The following KCNMA1 variants were observed in gnomAD, a reference collection of about 807,000 sequenced individuals.
The protein encoded by KCNMA1 is potassium calcium-activated channel subfamily M alpha 1.
In KCNMA1, 29 loss-of-function variants were observed where a neutral mutation model predicts 140.0. That is an observed-to-expected ratio of 0.21 (90% CI 0.15 to 0.28). The LOEUF (loss-of-function observed/expected upper bound fraction) is 0.28, where lower values mean the gene tolerates loss of function less well. Ranked by LOEUF, KCNMA1 falls within the 10% of genes least tolerant of loss-of-function variation. KCNMA1 has a pLI of 1.00. For missense variants in KCNMA1, 880 were observed against 1,602.2 expected (o/e 0.55, Z 7.70); for synonymous variants, 612 against 611.9 (o/e 1.00, Z 0.00).
intron 1 of KCNMA1, among the ~76,000 whole-genome samples, chr10:77,551,967 A>G (rs2062967235): frequency 6.6e-6 from 1 of 152,070 alleles, no homozygotes; most frequent in African/African-American, 2.4e-5. Flanking sequence ...ATGAGGTCAA[A>G]TGTCAGTGAC....
chr10:76,893,848 T>A (rs1167805407), intron 25 of KCNMA1, among the ~76,000 whole-genome samples: 2 of 152,150 alleles, frequency 1.3e-5, no homozygotes, highest in Non-Finnish European at 2.9e-5. Context: ...AAGACCTAAA[T>A]AAATGGACAG....
At chr10:77,422,731 G>T (rs146204176) in intron 1 of KCNMA1, among the ~76,000 whole-genome samples, 1 of 152,340 alleles carries the variant, frequency 6.6e-6, no homozygotes, top group Non-Finnish European at 1.5e-5. Flanking sequence ...GAGGAGGAAA[G>T]AGACACACAT....
chr10:77,072,943 G>A (rs2096266047), intron 14 of KCNMA1, among the ~76,000 whole-genome samples, 154 bp downstream of exon 14: 1 of 152,218 alleles, frequency 6.6e-6, no homozygotes, highest in South Asian at 2.1e-4. Flanking sequence ...TTTGAAAGAA[G>A]TTGGCTTCAT....
intron 1 of KCNMA1, among the ~76,000 whole-genome samples, chr10:77,432,668 TC>T (rs2097177186): frequency 6.6e-6 from 1 of 152,106 alleles, no homozygotes; most frequent in South Asian, 2.1e-4. Flanking sequence ...ATCTCAAAGG[TC>T]CCCATTTTCA....
intron 13 of KCNMA1, among the ~76,000 whole-genome samples, chr10:77,074,749 G>A (rs2096333871): frequency 6.6e-6 from 1 of 152,206 alleles, no homozygotes; most frequent in Non-Finnish European, 1.5e-5. Context: ...GACTCAGTAA[G>A]TATTTCTCCA....
intron 2 of KCNMA1, among the ~76,000 whole-genome samples, chr10:77,332,894 C>G (rs2087045251): frequency 6.6e-6 from 1 of 152,220 alleles, no homozygotes; most frequent in Non-Finnish European, 1.5e-5. Flanking sequence ...CACACACATA[C>G]ATGCACCTGT....
At chr10:76,905,969 G>T (rs76475746) in intron 25 of KCNMA1, among the ~76,000 whole-genome samples, 1 of 152,166 alleles carries the variant, frequency 6.6e-6, no homozygotes, top group Non-Finnish European at 1.5e-5. Flanking sequence ...GCTAAGCACC[G>T]CTCTAATCGC....
At chr10:76,900,753 AG>A (rs1328046887) in intron 25 of KCNMA1, among the ~76,000 whole-genome samples, 3 of 152,216 alleles carry the variant, frequency 2.0e-5, no homozygotes, top group Non-Finnish European at 2.9e-5. Context: ...ACACAATTAA[AG>A]GGCCTCCTAG....
chr10:77,478,313 T>G (rs570368929), intron 1 of KCNMA1, among the ~76,000 whole-genome samples: 10 of 152,302 alleles, frequency 6.6e-5, no homozygotes, highest in African/African-American at 2.4e-4. Flanking sequence ...CTGAACTACT[T>G]ATTAAAAAGA....
chr10:76,877,985 CA>C, intron 29 of KCNMA1: 1 of 1,255,180 alleles, frequency 8.0e-7, no homozygotes, highest in Non-Finnish European at 1.1e-6. Flanking sequence ...TTGAAAAACG[CA>C]AAAAGGTAAT....
intron 16 of KCNMA1, among the ~76,000 whole-genome samples, chr10:77,023,162 C>A (rs568858624): frequency 1.3e-5 from 2 of 152,182 alleles, no homozygotes; most frequent in Non-Finnish European, 2.9e-5. Flanking sequence ...AAGACTGCAG[C>A]TTGATGGAGG....
At chr10:76,892,912 C>A (rs1213681293) in intron 25 of KCNMA1, among the ~76,000 whole-genome samples, 1 of 152,156 alleles carries the variant, frequency 6.6e-6, no homozygotes, top group East Asian at 1.9e-4. Flanking sequence ...TACAAAAACA[C>A]CCATTGTGAT....
intron 1 of KCNMA1, among the ~76,000 whole-genome samples, chr10:77,474,154 C>T (rs911244701): frequency 6.6e-5 from 10 of 152,206 alleles, no homozygotes; most frequent in Non-Finnish European, 1.5e-5. Flanking sequence ...GCAAAGTCTA[C>T]AAGAGCCAGA....
At chr10:77,311,493 AACCC>A (rs2079275408) in intron 2 of KCNMA1, among the ~76,000 whole-genome samples, 2 of 152,146 alleles carry the variant, frequency 1.3e-5, no homozygotes, top group Non-Finnish European at 2.9e-5. Flanking sequence ...CTTTCTTTGA[AACCC>A]AGGCAGCTGC....
intron 14 of KCNMA1, among the ~76,000 whole-genome samples, chr10:77,041,613 T>C (rs2094698966): frequency 6.6e-6 from 1 of 152,098 alleles, no homozygotes; most frequent in Admixed American, 6.6e-5. Context: ...TACAATGGAG[T>C]CAGTCTTTAG....
chr10:77,190,069 G>A (rs190052386), intron 3 of KCNMA1, among the ~76,000 whole-genome samples: 2 of 152,046 alleles, frequency 1.3e-5, no homozygotes, highest in East Asian at 3.9e-4. Flanking sequence ...TTAAATCTAT[G>A]CCTTCTCTGT....
At chr10:77,301,475 T>G (rs1204240516) in intron 2 of KCNMA1, among the ~76,000 whole-genome samples, 1 of 152,180 alleles carries the variant, frequency 6.6e-6, no homozygotes, top group Non-Finnish European at 1.5e-5. Flanking sequence ...TAAATCTGTT[T>G]CTAGGTAAAC....
At chr10:77,540,872 G>A (rs2060016868) in intron 1 of KCNMA1, among the ~76,000 whole-genome samples, 1 of 152,228 alleles carries the variant, frequency 6.6e-6, no homozygotes, top group Middle Eastern at 3.4e-3. Context: ...GAGTGTGGTG[G>A]TGCACGCCTG....
intron 1 of KCNMA1, among the ~76,000 whole-genome samples, chr10:77,510,275 C>T (rs1414306619): frequency 6.6e-6 from 1 of 151,932 alleles, no homozygotes; most frequent in East Asian, 2.0e-4. Flanking sequence ...GCCATAGAGT[C>T]AGTGTTTGAC....
Sources: allele counts gnomAD v4.1 joint callset (sites outside exome capture counted in the v4.1 genomes callset), GRCh38; gene constraint gnomAD v4.1.1; transcripts MANE v1.5; gene names NCBI Gene and HGNC (gene_info 2026-07-23, HGNC 2026-07-21).